The following MCF2 variants were observed in gnomAD, a reference collection of about 807,000 sequenced individuals.
The protein encoded by MCF2 is MCF.2 cell line derived transforming sequence.
MCF2 carries 44 observed loss-of-function variants against 82.5 expected under a neutral mutation model. The observed-to-expected ratio is 0.53, with a 90% CI of 0.42 to 0.69. The LOEUF (loss-of-function observed/expected upper bound fraction) is 0.69, where lower values mean the gene tolerates loss of function less well. Among genes scored for constraint, MCF2 ranks in the 30% least tolerant of loss-of-function variants. MCF2 has a pLI of 0.00. For missense variants in MCF2, 623 were observed against 663.1 expected, an observed-to-expected ratio of 0.94 and a Z score of 0.66; for synonymous variants, 217 against 224.9, an observed-to-expected ratio of 0.96 and a Z score of 0.32.
chrX:139,624,405 T>A (rs1198253076), intron 6 of MCF2, among the ~76,000 whole-genome samples: 1 of 109,298 alleles, frequency 9.1e-6, no homozygotes, highest in African/African-American at 3.3e-5. Flanking sequence ...CCAGGCATGG[T>A]GGTGCATACC....
chrX:139,631,374 G>A (rs370946773), intron 3 of MCF2, 21 bp downstream of exon 6: 3 of 983,037 alleles, frequency 3.1e-6, no homozygotes, highest in Non-Finnish European at 4.3e-6. Context: ...AGGCTCTACA[G>A]TAAGGGCAAA....
chrX:139,665,649 A>G (rs1660047775), intron 1 of MCF2, among the ~76,000 whole-genome samples: 1 of 109,218 alleles, frequency 9.2e-6, no homozygotes, highest in Non-Finnish European at 1.9e-5. Context: ...ATGAATGCTC[A>G]CCTGATTTTT....
Position 139,610,341 on chromosome X carries a change from G to C in MCF2, c.1364-3C>G. On this transcript the variant is annotated splice_polypyrimidine_tract_variant and splice_region_variant and intron_variant, in intron 10 of 24. Transcript: ENST00000370576. Reference sequence around the variant, plus strand: ...ATTTTGTCTCCAAGTCTTCTTCCCTGGTAGAGAAATGTGAAAGAAGAATTT... The same window carrying C: ...ATTTTGTCTCCAAGTCTTCTTCCCTCGTAGAGAAATGTGAAAGAAGAATTT... 1 of 1,160,412 alleles carries C rather than the reference G, an allele frequency of 8.6e-7. No homozygotes were observed. The highest frequency in any genetic ancestry group is 1.2e-6 in the Non-Finnish European group (1 of 859,305).
rs1569341154 is a variant in MCF2, at chrX:139,588,348, G to T, written c.2449+12C>A. ...ATACTTCTTGTTCTGAAGAATGCAG[G>T]CTTGAATTTACCTGTCAAAAGTTCC... On this transcript the variant is annotated intron_variant, in intron 21 of 24. Transcript: ENST00000370576. 3.4e-6 allele frequency: 4 copies of T among 1,188,607 alleles called. No homozygotes were observed. Among genetic ancestry groups the T allele is most frequent in the Non-Finnish European group, 4.6e-6 (4 of 877,121 alleles).
intron 1 of MCF2, among the ~76,000 whole-genome samples, chrX:139,635,529 C>T (rs1381656089): frequency 1.8e-5 from 2 of 109,726 alleles, no homozygotes; most frequent in East Asian, 2.9e-4. Context: ...TGTTGGCACA[C>T]GCCTGTGGTC....
chrX:139,653,942 T>C (rs1431993153), intron 1 of MCF2, among the ~76,000 whole-genome samples: 1 of 110,953 alleles, frequency 9.0e-6, no homozygotes, highest in Non-Finnish European at 1.9e-5. Flanking sequence ...ATTGCCACCA[T>C]TTCCATTCAT....
chrX:139,651,900 T>C (rs980037550), intron 1 of MCF2, 112 bp from the exon 2 acceptor site: 12 of 453,944 alleles, frequency 2.6e-5, no homozygotes, highest in Non-Finnish European at 4.1e-5. Context: ...GCCCCACAGG[T>C]CTGTGTCCAC....
chrX:139,686,070 TA>T (rs3058305), intron 1 of MCF2, among the ~76,000 whole-genome samples: 10,685 of 99,479 alleles, frequency 0.11, 673 homozygotes, highest in African/African-American at 0.22. Context: ...CCCTTCACGT[TA>T]AAAAAAAAAA....
chrX:139,651,772 G>C (rs1458141566), exon 2 of MCF2: 2 of 1,151,141 alleles, frequency 1.7e-6, no homozygotes, highest in Admixed American at 2.6e-5. Context: ...CCTTTATACG[G>C]AGGAGCAGAT....
chrX:139,671,325 T>C lies in MCF2; in HGVS notation c.-44-19537A>G, dbSNP rs193188459. ...AGAAGCTCTTTAGTTTAATTAGATC[T>C]CATTTGTCAAGTTTGGCTTTTGTTG... On this transcript the variant is annotated intron_variant, in intron 1 of 27. Transcript: ENST00000414978. Among the ~76,000 whole-genome samples, 280 of 112,023 alleles carry C rather than the reference T, an allele frequency of 2.5e-3. 1 individual carries two copies. The highest frequency in any genetic ancestry group is 8.5e-3 in the African/African-American group (263 of 30,857).
chrX:139,648,638 A>G (rs1933888648), intron 2 of MCF2, among the ~76,000 whole-genome samples: 1 of 112,129 alleles, frequency 8.9e-6, no homozygotes, highest in African/African-American at 3.2e-5. Flanking sequence ...ATAAAAAGAA[A>G]GACTGAATTA....
upstream of MCF2, among the ~76,000 whole-genome samples, chrX:139,643,119 A>C (rs1341912827): frequency 8.9e-6 from 1 of 112,049 alleles, no homozygotes; most frequent in Non-Finnish European, 1.9e-5. Context: ...GAAAGAATAG[A>C]ACATGCAAAC....
At chrX:139,667,196 C>CTT (rs77565644) in intron 1 of MCF2, among the ~76,000 whole-genome samples, 30 of 90,096 alleles carry the variant, frequency 3.3e-4, no homozygotes, top group South Asian at 2.6e-3. Flanking sequence ...ATTTTGAATT[C>CTT]TTTTTTTTTT....
chrX:139,692,847 A>G (rs1935305834), intron 1 of MCF2, among the ~76,000 whole-genome samples: 1 of 112,060 alleles, frequency 8.9e-6, no homozygotes, highest in South Asian at 3.7e-4. Flanking sequence ...CGAGGATGCA[A>G]ACAAACACAC....
intron 1 of MCF2, among the ~76,000 whole-genome samples, chrX:139,698,971 G>C (rs1935433916): frequency 9.0e-6 from 1 of 111,388 alleles, no homozygotes; most frequent in African/African-American, 3.3e-5. Context: ...TACAAGGAAG[G>C]CCCAGTTTAT....
chrX:139,582,492 C>T (rs1184812728), exon 25 of MCF2: 7 of 1,205,230 alleles, frequency 5.8e-6, no homozygotes, highest in African/African-American at 3.5e-5. Context: ...GAGCCATCTC[C>T]GACACAGGTC....
chrX:139,695,984 A>T (rs1935371807), intron 1 of MCF2, among the ~76,000 whole-genome samples: 1 of 112,225 alleles, frequency 8.9e-6, no homozygotes, highest in Non-Finnish European at 1.9e-5. Context: ...AAAAAGATGC[A>T]TAGCTGTAAC....
intron 1 of MCF2, among the ~76,000 whole-genome samples, chrX:139,683,073 G>A (rs974830956): frequency 9.0e-6 from 1 of 111,409 alleles, no homozygotes; most frequent in Non-Finnish European, 1.9e-5. Flanking sequence ...GGGACTACAG[G>A]AGTGTGCCAC....
intron 1 of MCF2, among the ~76,000 whole-genome samples, chrX:139,655,783 G>A (rs1162279642): frequency 1.8e-5 from 2 of 110,964 alleles, no homozygotes; most frequent in African/African-American, 3.3e-5. Flanking sequence ...AGGTTTTTCC[G>A]GGTACAAGAT....
Sources: allele counts gnomAD v4.1 joint callset (sites outside exome capture counted in the v4.1 genomes callset), GRCh38; gene constraint gnomAD v4.1.1; transcripts MANE v1.5; gene names NCBI Gene and HGNC (gene_info 2026-07-23, HGNC 2026-07-21).